TMEM163: variants seen among roughly 807,000 people sequenced by gnomAD.
TMEM163 encodes transmembrane protein 163.
In TMEM163, 17 loss-of-function variants were observed where a neutral mutation model predicts 29.3. That is an observed-to-expected ratio of 0.58 (90% CI 0.40 to 0.87). TMEM163 has a LOEUF of 0.87. Ranked by LOEUF, TMEM163 falls within the 40% of genes least tolerant of loss-of-function variation. The probability of loss-of-function intolerance (pLI) is 0.00; values close to 1 mark genes in which losing one functional copy is unlikely to be tolerated. For synonymous variants in TMEM163, 157 were observed against 160.6 expected, an observed-to-expected ratio of 0.98 and a Z score of 0.17; for missense variants, 303 against 381.5, an observed-to-expected ratio of 0.79 and a Z score of 1.71.
chr2:134,543,429 T>C (rs1680719016), intron 4 of TMEM163, among the ~76,000 whole-genome samples: 1 of 152,224 alleles, frequency 6.6e-6, no homozygotes, highest in African/African-American at 2.4e-5. Flanking sequence ...CTTTGTCAAG[T>C]TAAGAGCACT....
At chr2:134,657,687 G>A (rs1042417637) in intron 2 of TMEM163, among the ~76,000 whole-genome samples, 3 of 152,092 alleles carry the variant, frequency 2.0e-5, no homozygotes, top group East Asian at 1.9e-4. Flanking sequence ...CCTGTAATCC[G>A]AGCTACTTAG....
intron 4 of TMEM163, among the ~76,000 whole-genome samples, chr2:134,523,253 G>T (rs903867609): frequency 2.0e-5 from 3 of 152,052 alleles, no homozygotes; most frequent in African/African-American, 7.2e-5. Context: ...GGTGGGGGTC[G>T]GAGCGTCTGT....
At chr2:134,692,186 T>C (rs190214600) in intron 2 of TMEM163, among the ~76,000 whole-genome samples, 59 of 152,216 alleles carry the variant, frequency 3.9e-4, no homozygotes, top group Admixed American at 1.2e-3. Context: ...GAAAGTATTC[T>C]TCCCTACACC....
At chr2:134,500,246 T>C (rs1440886179) in intron 5 of TMEM163, among the ~76,000 whole-genome samples, 15 of 152,238 alleles carry the variant, frequency 9.9e-5, no homozygotes, top group Admixed American at 7.2e-4. Flanking sequence ...TGTGAATAAA[T>C]GCACATTTTG....
At chr2:134,561,053 CCT>C (rs1681161301) in intron 2 of TMEM163, among the ~76,000 whole-genome samples, 4 of 152,358 alleles carry the variant, frequency 2.6e-5, no homozygotes, top group Admixed American at 2.6e-4. Flanking sequence ...AGGAACATCC[CCT>C]GAAGGCACAG....
chr2:134,498,194 G>A (rs1020866129), intron 5 of TMEM163, among the ~76,000 whole-genome samples: 4 of 152,112 alleles, frequency 2.6e-5, no homozygotes, highest in East Asian at 1.9e-4. Flanking sequence ...GGTAGAGAGC[G>A]CCACACCTTG....
At chr2:134,482,646 C>T (rs1679217802) in intron 5 of TMEM163, among the ~76,000 whole-genome samples, 1 of 152,144 alleles carries the variant, frequency 6.6e-6, no homozygotes, top group South Asian at 2.1e-4. Flanking sequence ...TCACCACTTT[C>T]CCCACCCCCA....
At chr2:134,704,895 T>C (rs904983707) in intron 2 of TMEM163, among the ~76,000 whole-genome samples, 3 of 152,134 alleles carry the variant, frequency 2.0e-5, no homozygotes, top group African/African-American at 4.8e-5. Flanking sequence ...TGTTACTGAC[T>C]GAACTGTGTG....
At chr2:134,473,723 C>T (rs1198209609) in intron 5 of TMEM163, among the ~76,000 whole-genome samples, 3 of 152,130 alleles carry the variant, frequency 2.0e-5, no homozygotes, top group African/African-American at 4.8e-5. Flanking sequence ...ACAGATCCAA[C>T]AGGATCTATT....
At chr2:134,649,963 C>T (rs1333950961) in intron 2 of TMEM163, among the ~76,000 whole-genome samples, 1 of 146,444 alleles carries the variant, frequency 6.8e-6, no homozygotes, top group East Asian at 2.0e-4. Context: ...CATGATCACA[C>T]CACTGCACTC....
intron 2 of TMEM163, among the ~76,000 whole-genome samples, chr2:134,708,465 A>C (rs1376945153): frequency 6.6e-6 from 1 of 152,120 alleles, no homozygotes; most frequent in African/African-American, 2.4e-5. Flanking sequence ...AAATCAAATA[A>C]ATTATTTTAA....
chr2:134,584,591 G>A lies in TMEM163; in HGVS notation c.323-32500C>T, dbSNP rs114557769. On this transcript the variant is annotated intron_variant, in intron 2 of 7. Transcript: ENST00000281924. ...GAAGATAAAGTACCCAGAAACGTAA[G>A]TTTCTTGACCATTGCATTTTAGAAG... Among the ~76,000 whole-genome samples the A allele has an allele frequency of 6.7e-3, 985 of 147,290 alleles. 8 individuals are homozygous for A. Among genetic ancestry groups the A allele is most frequent in the Middle Eastern group, 0.018 (5 of 282 alleles).
intron 2 of TMEM163, among the ~76,000 whole-genome samples, chr2:134,710,415 T>G (rs1684900387): frequency 6.6e-6 from 1 of 152,008 alleles, no homozygotes; most frequent in Non-Finnish European, 1.5e-5. Context: ...GTAACTATGA[T>G]TAAATAAATA....
chr2:134,540,027 A>G (rs1680630106), intron 4 of TMEM163, among the ~76,000 whole-genome samples: 1 of 152,192 alleles, frequency 6.6e-6, no homozygotes, highest in Admixed American at 6.5e-5. Context: ...GGAGCAGAAG[A>G]TGGAAGGATG....
At chr2:134,511,435 G>A (rs546699825) in intron 4 of TMEM163, among the ~76,000 whole-genome samples, 1 of 152,216 alleles carries the variant, frequency 6.6e-6, no homozygotes, top group African/African-American at 2.4e-5. Context: ...GGAGGACTCT[G>A]CAAAGTCAGG....
intron 4 of TMEM163, among the ~76,000 whole-genome samples, chr2:134,545,756 T>A (rs1017303374): frequency 2.2e-4 from 34 of 152,178 alleles, no homozygotes; most frequent in Non-Finnish European, 4.4e-4. Context: ...CCTAAATCTG[T>A]GCCAATAAAT....
At chr2:134,528,703 T>G (rs1401988987) in intron 4 of TMEM163, among the ~76,000 whole-genome samples, 5 of 152,194 alleles carry the variant, frequency 3.3e-5, no homozygotes, top group Non-Finnish European at 7.3e-5. Context: ...CCAGTGCTGG[T>G]TGGAATACAA....
intron 2 of TMEM163, among the ~76,000 whole-genome samples, chr2:134,576,994 C>T (rs897029103): frequency 6.6e-6 from 1 of 152,162 alleles, no homozygotes; most frequent in African/African-American, 2.4e-5. Flanking sequence ...TGCCATGTTC[C>T]GATTCCTCTG....
At chr2:134,535,929 G>A (rs1282010879) in intron 4 of TMEM163, among the ~76,000 whole-genome samples, 1 of 152,096 alleles carries the variant, frequency 6.6e-6, no homozygotes, top group Non-Finnish European at 1.5e-5. Flanking sequence ...CGCCATGTTG[G>A]CCAGGCTGAT....
Sources: allele counts gnomAD v4.1 joint callset (sites outside exome capture counted in the v4.1 genomes callset), GRCh38; gene constraint gnomAD v4.1.1; transcripts MANE v1.5; gene names NCBI Gene and HGNC (gene_info 2026-07-23, HGNC 2026-07-21).